The following CST8 variants were observed in gnomAD, a reference collection of about 807,000 sequenced individuals.
CST8 encodes cystatin 8, also known as cystatin-8.
A neutral mutation model predicts 11.8 loss-of-function variants in CST8; 20 were observed. The ratio of observed to expected loss-of-function variants is 1.70; its 90% CI spans 1.20 to 2.47. The LOEUF is 2.47. Ranked by LOEUF, CST8 falls within the 30% of genes most tolerant of loss-of-function variation. CST8 has a pLI of 0.00. For missense variants in CST8, 196 were observed against 167.2 expected (o/e 1.17, Z -0.95); for synonymous variants, 77 against 63.1 (o/e 1.22, Z -1.05).
chr20:23,495,762 T>G, intron 3 of CST8, 69 bp from the exon 4 acceptor site: 6 of 1,168,166 alleles, frequency 5.1e-6, no homozygotes, highest in Non-Finnish European at 6.2e-6. Flanking sequence ...AACAGGACAA[T>G]TGTTTTTCTT....
chr20:23,498,758 T>A (rs1988118594), downstream of CST8, among the ~76,000 whole-genome samples: 1 of 152,234 alleles, frequency 6.6e-6, no homozygotes, highest in African/African-American at 2.4e-5. Flanking sequence ...AGGATTGGAA[T>A]GTGATGTATC....
downstream of CST8, among the ~76,000 whole-genome samples, chr20:23,498,383 G>C (rs1988106874): frequency 6.6e-6 from 1 of 152,222 alleles, no homozygotes; most frequent in African/African-American, 2.4e-5. Context: ...ATGTCCATTA[G>C]GAGAAGCCAG....
the CST8 span, among the ~76,000 whole-genome samples, chr20:23,505,184 A>ACCC: frequency 2.6e-5 from 3 of 116,756 alleles, no homozygotes; most frequent in Admixed American, 1.2e-4. Context: ...TTGCTTTGTC[A>ACCC]CCCAGGCTGG....
the CST8 span, among the ~76,000 whole-genome samples, chr20:23,507,015 C>T: frequency 6.6e-6 from 1 of 152,134 alleles, no homozygotes; most frequent in Admixed American, 6.5e-5. Context: ...CATGCACATG[C>T]CTTGTTCACA....
At chr20:23,503,878 C>T in the CST8 span, among the ~76,000 whole-genome samples, 2 of 152,136 alleles carry the variant, frequency 1.3e-5, no homozygotes, top group East Asian at 1.9e-4. Flanking sequence ...CCAGTCATGG[C>T]GGGCGGGTCA....
chr20:23,496,024 G>T (rs1032976533), downstream of CST8: 5 of 836,308 alleles, frequency 6.0e-6, no homozygotes, highest in African/African-American at 7.0e-5. Context: ...ATGCCTCTCT[G>T]CTTGGTGTTT....
At chr20:23,496,537 C>A (rs3004105), downstream of CST8, among the ~76,000 whole-genome samples, 8 of 151,880 alleles carry the variant, frequency 5.3e-5, no homozygotes, top group African/African-American at 1.9e-4. Flanking sequence ...ACAGGACTGG[C>A]GAGAAATTAA....
At chr20:23,501,173 C>T in the CST8 span, among the ~76,000 whole-genome samples, 5 of 152,162 alleles carry the variant, frequency 3.3e-5, no homozygotes, top group African/African-American at 1.2e-4. Context: ...GGAACTGAAC[C>T]AGTTATGTAA....
downstream of CST8, among the ~76,000 whole-genome samples, chr20:23,500,527 G>A (rs1988158320): frequency 6.6e-6 from 1 of 152,170 alleles, no homozygotes; most frequent in South Asian, 2.1e-4. Flanking sequence ...GAGGCAAGAG[G>A]GGTGGGCCTG....
chr20:23,506,722 C>T, the CST8 span, among the ~76,000 whole-genome samples: 1 of 152,112 alleles, frequency 6.6e-6, no homozygotes, highest in African/African-American at 2.4e-5. Flanking sequence ...GGGAAATGGT[C>T]CCTTCATAAC....
chr20:23,495,840 T>C lies in CST8; in HGVS notation c.355T>C (p.Cys119Arg). The change falls in exon 4 of 4, where the codon TGC becomes CGC. Residue 119 changes from cysteine to arginine, a missense_variant. Physicochemically the swap from Cys to Arg is radical, Grantham distance 180. Coordinates refer to ENST00000246012, the MANE Select transcript of CST8 (RefSeq NM_005492.4). ...TTGTCATCTTTTTCAGAAATTAAGC[T>C]GCAGCTTTTTGGTAGGAGCACTTCC... ...ENSKLKRKLS[C>R]SFLVGALPWN... 6.2e-7 allele frequency: 1 copy of C among 1,605,578 alleles called. No individual in the cohort carries two copies. The highest frequency in any genetic ancestry group is 1.1e-5 in the South Asian group (1 of 88,298).
At chr20:23,501,934 G>A in the CST8 span, among the ~76,000 whole-genome samples, 2 of 152,150 alleles carry the variant, frequency 1.3e-5, no homozygotes, top group Non-Finnish European at 2.9e-5. Flanking sequence ...GTGTGGACAC[G>A]CCGGCTTTCT....
intron 3 of CST8, 89 bp downstream of exon 3, chr20:23,493,160 C>T (rs1436498122): frequency 2.4e-6 from 2 of 838,596 alleles, no homozygotes; most frequent in Non-Finnish European, 4.1e-6. Flanking sequence ...TCTTTGAGGT[C>T]TGGGTGGCTC....
chr20:23,502,043 G>A, the CST8 span, among the ~76,000 whole-genome samples: 3 of 152,180 alleles, frequency 2.0e-5, no homozygotes. Flanking sequence ...GACAGTTCAA[G>A]ACTCAGTGAC....
the CST8 span, among the ~76,000 whole-genome samples, chr20:23,506,576 A>G: frequency 6.6e-6 from 1 of 152,316 alleles, no homozygotes; most frequent in Non-Finnish European, 1.5e-5. Context: ...ATTCTGCACT[A>G]AAACAGCATC....
chr20:23,501,857 T>C, the CST8 span, among the ~76,000 whole-genome samples: 1 of 152,226 alleles, frequency 6.6e-6, no homozygotes, highest in Non-Finnish European at 1.5e-5. Context: ...AGATTCCTTG[T>C]TTTTAATAAC....
the CST8 span, among the ~76,000 whole-genome samples, chr20:23,503,814 G>C: frequency 1.3e-5 from 2 of 152,334 alleles, no homozygotes; most frequent in South Asian, 2.1e-4. Flanking sequence ...GCAGGCAAGA[G>C]CCCTGAGGCC....
chr20:23,493,990 A>G (rs1311802429), intron 3 of CST8, among the ~76,000 whole-genome samples: 1 of 152,100 alleles, frequency 6.6e-6, no homozygotes, highest in Non-Finnish European at 1.5e-5. Context: ...TTTGAGAACC[A>G]CTGCTTTATG....
downstream of CST8, among the ~76,000 whole-genome samples, chr20:23,497,248 T>C (rs1016396922): frequency 4.6e-5 from 7 of 152,238 alleles, no homozygotes; most frequent in African/African-American, 1.7e-4. Context: ...TCTTCACAAT[T>C]TATGTTCTTC....
Sources: allele counts gnomAD v4.1 joint callset (sites outside exome capture counted in the v4.1 genomes callset), GRCh38; gene constraint gnomAD v4.1.1; transcripts MANE v1.5; gene names NCBI Gene and HGNC (gene_info 2026-07-23, HGNC 2026-07-21).